The following OSBPL9 variants were observed in gnomAD, a reference collection of about 807,000 sequenced individuals.
The protein encoded by OSBPL9 is oxysterol-binding protein-related protein 9.
Under a neutral mutation model 106.6 loss-of-function variants are expected in OSBPL9, and 40 were observed. The ratio of observed to expected loss-of-function variants is 0.38; its 90% CI spans 0.29 to 0.49. The LOEUF is 0.49. Among genes scored for constraint, OSBPL9 ranks in the 20% least tolerant of loss-of-function variants. The pLI is 0.97. For synonymous variants in OSBPL9, 269 were observed against 295.4 expected (o/e 0.91, Z 0.92); for missense variants, 609 against 887.2 (o/e 0.69, Z 3.98).
chr1:51,519,154 G>C, the OSBPL9 span: 1 of 1,380,552 alleles, frequency 7.2e-7, no homozygotes, highest in African/African-American at 1.5e-5. Flanking sequence ...GGTGGGGGAG[G>C]GGGCACCGGC....
chr1:51,702,729 C>T (rs1055796732), intron 3 of OSBPL9, among the ~76,000 whole-genome samples: 4 of 152,182 alleles, frequency 2.6e-5, no homozygotes, highest in Non-Finnish European at 5.9e-5. Context: ...ATGCCTATGT[C>T]CTGAATGGTA....
At chr1:51,669,295 T>C (rs555760823) in intron 2 of OSBPL9, 139 bp from the exon 3 acceptor site, 97 of 682,058 alleles carry the variant, frequency 1.4e-4, no homozygotes, top group Non-Finnish European at 2.2e-4. Flanking sequence ...TAAGCAAAAC[T>C]AGAGTCTCAG....
the OSBPL9 span, among the ~76,000 whole-genome samples, chr1:51,532,000 G>T: frequency 3.2e-4 from 48 of 152,322 alleles, no homozygotes; most frequent in African/African-American, 1.2e-3. Flanking sequence ...GAAGGAAGGA[G>T]TGAGAAAGCA....
intron 12 of OSBPL9, among the ~76,000 whole-genome samples, chr1:51,771,164 T>G (rs1157076606): frequency 6.6e-6 from 1 of 152,106 alleles, no homozygotes; most frequent in African/African-American, 2.4e-5. Context: ...TTAAAAGAAG[T>G]TAAGTAACAA....
intron 20 of OSBPL9, 61 bp downstream of exon 20, chr1:51,784,643 G>C: frequency 6.5e-7 from 1 of 1,538,686 alleles, no homozygotes; most frequent in Non-Finnish European, 8.9e-7. Flanking sequence ...CTTTTGTCTT[G>C]AACTACAGCT....
At chr1:51,716,743 T>A (rs1661120711) in intron 4 of OSBPL9, among the ~76,000 whole-genome samples, 1 of 152,208 alleles carries the variant, frequency 6.6e-6, no homozygotes, top group Admixed American at 6.5e-5. Flanking sequence ...TGTTAGGCAC[T>A]GTGGGATGGG....
At chr1:51,564,830 G>T in the OSBPL9 span, among the ~76,000 whole-genome samples, 1 of 152,192 alleles carries the variant, frequency 6.6e-6, no homozygotes, top group Non-Finnish European at 1.5e-5. Context: ...GAGGCCTGCA[G>T]CCTCTCTACT....
intron 3 of OSBPL9, among the ~76,000 whole-genome samples, chr1:51,673,494 A>T (rs1333852970): frequency 6.6e-6 from 1 of 152,236 alleles, no homozygotes; most frequent in Non-Finnish European, 1.5e-5. Context: ...GGAAGAATTG[A>T]TGATGCAAGA....
At chr1:51,761,839 C>T in intron 10 of OSBPL9, 28 bp from the exon 11 acceptor site, 1 of 1,523,942 alleles carries the variant, frequency 6.6e-7, no homozygotes, top group Non-Finnish European at 9.1e-7. Context: ...TGTTTCTGTA[C>T]CTTATTTTAT....
At chr1:51,590,070 GA>G (rs1645267099) in intron 1 of OSBPL9, among the ~76,000 whole-genome samples, 1 of 151,438 alleles carries the variant, frequency 6.6e-6, no homozygotes, top group Non-Finnish European at 1.5e-5. Flanking sequence ...GGTAGGCAGG[GA>G]CTAGATCATG....
the OSBPL9 span, among the ~76,000 whole-genome samples, chr1:51,527,168 A>T: frequency 6.6e-6 from 1 of 152,190 alleles, no homozygotes; most frequent in East Asian, 1.9e-4. Context: ...AAGCTACAAC[A>T]CCATGGTCAA....
At chr1:51,767,049 A>C (rs1441102311) in intron 12 of OSBPL9, among the ~76,000 whole-genome samples, 1 of 152,096 alleles carries the variant, frequency 6.6e-6, no homozygotes, top group Admixed American at 6.5e-5. Flanking sequence ...ACTGCACTCT[A>C]GCCTGGGCAA....
intron 13 of OSBPL9, 105 bp downstream of exon 13, chr1:51,772,287 A>C: frequency 1.1e-6 from 1 of 873,558 alleles, no homozygotes; most frequent in Non-Finnish European, 1.8e-6. Context: ...CGAGGTGGGC[A>C]GATCACTTGA....
intron 4 of OSBPL9, chr1:51,740,159 CT>C: frequency 6.5e-7 from 1 of 1,546,886 alleles, no homozygotes; most frequent in Admixed American, 2.0e-5. Context: ...ACCACACTTG[CT>C]TTTTTCCAGT....
chr1:51,596,663 C>T (rs1288195666), intron 1 of OSBPL9, among the ~76,000 whole-genome samples: 3 of 151,940 alleles, frequency 2.0e-5, no homozygotes, highest in African/African-American at 7.3e-5. Flanking sequence ...GCCTGTAATC[C>T]CAGCTATTCA....
chr1:51,593,973 C>T (rs1039617880), intron 1 of OSBPL9, among the ~76,000 whole-genome samples: 2 of 151,290 alleles, frequency 1.3e-5, no homozygotes, highest in African/African-American at 4.9e-5. Context: ...TGGGCTGAAA[C>T]AGTACTATTG....
intron 4 of OSBPL9, among the ~76,000 whole-genome samples, chr1:51,743,272 G>A (rs1358872287): frequency 6.6e-6 from 1 of 152,130 alleles, no homozygotes; most frequent in African/African-American, 2.4e-5. Flanking sequence ...CTTGGACCTT[G>A]TGAAGTGTGA....
chr1:51,730,403 C>T (rs1269535040), intron 4 of OSBPL9, among the ~76,000 whole-genome samples: 6 of 152,210 alleles, frequency 3.9e-5, no homozygotes, highest in Admixed American at 1.3e-4. Context: ...ATAGAATCTC[C>T]AGTTGCAGGC....
chr1:51,722,208 A>AGAT (rs1491057824), intron 4 of OSBPL9, among the ~76,000 whole-genome samples: 3 of 108,716 alleles, frequency 2.8e-5, no homozygotes, highest in Non-Finnish European at 6.1e-5. Flanking sequence ...GATAGATAGA[A>AGAT]GTAGTTAGAC....
Sources: allele counts gnomAD v4.1 joint callset (sites outside exome capture counted in the v4.1 genomes callset), GRCh38; gene constraint gnomAD v4.1.1; transcripts MANE v1.5; gene names NCBI Gene and HGNC (gene_info 2026-07-23, HGNC 2026-07-21).